Variants in LRRC39 observed in about 807,000 individuals in gnomAD.
The protein encoded by LRRC39 is leucine-rich repeat-containing protein 39.
LRRC39 carries 35 observed loss-of-function variants against 39.7 expected under a neutral mutation model. The observed-to-expected ratio is 0.88, with a 90% confidence interval of 0.67 to 1.17. The LOEUF (loss-of-function observed/expected upper bound fraction) is 1.17, where lower values mean the gene tolerates loss of function less well. LRRC39 is among the 50% of genes most tolerant of loss of function. The pLI, the probability that LRRC39 is intolerant of heterozygous loss-of-function variation, is 0.00. For missense variants in LRRC39, 357 were observed against 385.8 expected (o/e 0.93, Z 0.62); for synonymous variants, 113 against 134.1 (o/e 0.84, Z 1.09).
chr1:100,168,140 T>A (rs1367317932), intron 3 of LRRC39, among the ~76,000 whole-genome samples: 1 of 152,152 alleles, frequency 6.6e-6, no homozygotes, highest in Admixed American at 6.5e-5. Context: ...TTAGACTATA[T>A]GATACTAATC....
At chr1:100,160,677 T>G (rs1453253929) in intron 3 of LRRC39, 106 bp from the exon 4 acceptor site, 2 of 823,044 alleles carry the variant, frequency 2.4e-6, no homozygotes, top group Non-Finnish European at 3.7e-6. Context: ...CAGGCTGGAG[T>G]GCAGTGGCCC....
At chr1:100,161,079 AT>A (rs1324377580) in intron 3 of LRRC39, among the ~76,000 whole-genome samples, 3 of 152,176 alleles carry the variant, frequency 2.0e-5, no homozygotes, top group Admixed American at 1.3e-4. Context: ...AACTCTATAG[AT>A]TTTATTAATA....
In LRRC39 at chr1:100,170,417, A is replaced by T. The variant is rs531289823; in HGVS notation, c.-78-1823T>A. 2.0e-5 allele frequency among the ~76,000 whole-genome samples: 3 copies of T among 152,314 alleles called. No homozygotes were observed. In the South Asian group the frequency reaches 6.2e-4, roughly 32 times the overall value. On this transcript the variant is annotated intron_variant, in intron 2 of 9. Transcript: ENST00000370137. The stretch of plus-strand genomic sequence containing the variant: ...AAAGACCACATATATGATCTCATTT[A>T]TATGAAATGTCCAGAATAGGCAAAT...
chr1:100,163,504 T>G (rs2101783040), intron 3 of LRRC39, among the ~76,000 whole-genome samples: 1 of 152,106 alleles, frequency 6.6e-6, no homozygotes, highest in African/African-American at 2.4e-5. Context: ...CCCCCATCTG[T>G]GGGCCTTACC....
At chr1:100,153,529 A>C (rs1038761453) in intron 8 of LRRC39, among the ~76,000 whole-genome samples, 2 of 152,200 alleles carry the variant, frequency 1.3e-5, no homozygotes, top group Non-Finnish European at 2.9e-5. Context: ...AATGGGAGAA[A>C]ATATATGTAA....
In LRRC39 at chr1:100,155,081, G is replaced by T. The variant is rs147649568; in HGVS notation, c.782C>A (p.Pro261Gln). 53 of 1,598,666 alleles carry T rather than the reference G, an allele frequency of 3.3e-5. No homozygotes were observed. In the African/African-American group the frequency reaches 6.2e-4, roughly 19 times the overall value. Residue 261 changes from proline (P) to glutamine (Q), a missense_variant, in exon 8 of 10, where the codon CCA (proline) becomes CAA (glutamine). Transcript: ENST00000370137. ...ATTTGCCATTTCTTCCATGCATACT[G>T]GAATATCTTGCAGTTTATTGTTGCT... ...VLSNNKLQDI[P>Q]VCMEEMANLR...
Position 100,148,987 on chromosome 1 carries a change from A to C in LRRC39, c.*55T>G. Reference sequence around the variant, plus strand: ...GCTTTTCTTTTTACTTCAGAAATCCAAACATTAGAGAATTCACCAAAGTAA... The same window carrying C: ...GCTTTTCTTTTTACTTCAGAAATCCCAACATTAGAGAATTCACCAAAGTAA... On this transcript the variant is annotated 3_prime_UTR_variant, in exon 10 of 10. Transcript: ENST00000370137. The C allele has an allele frequency of 7.0e-7, 1 of 1,428,762 alleles. No individual in the cohort carries two copies. Among genetic ancestry groups the C allele is most frequent in the Non-Finnish European group, 9.3e-7 (1 of 1,074,838 alleles). The allele number at this position is 1,428,762 out of a possible 1,614,324, so 88.5% of individuals were successfully genotyped here.
At chr1:100,174,347 G>C (rs2101800104) in intron 1 of LRRC39, among the ~76,000 whole-genome samples, 1 of 151,884 alleles carries the variant, frequency 6.6e-6, no homozygotes, top group Middle Eastern at 3.4e-3. Flanking sequence ...GCCCAGGCTG[G>C]AGAGCAGTGG....
In LRRC39 at chr1:100,152,489, T is replaced by G. The variant is rs745355050; in HGVS notation, c.848A>C (p.Lys283Thr). The G allele has an allele frequency of 2.0e-5, 33 of 1,613,872 alleles. No homozygotes were observed. The South Asian group carries it at 3.4e-4, about 17-fold the overall frequency. Residue 283 changes from lysine to threonine, a missense_variant, in exon 9 of 10, where the codon AAA becomes ACA. Physicochemically the swap from Lys to Thr is moderately conservative, Grantham distance 78. Coordinates refer to ENST00000370137, the MANE Select transcript of LRRC39 (RefSeq NM_144620.4). ...VNFRDNPLKL[K>T]VSLPPSEGTD... ...GCCTTCACTGGGAGGAAGTGATACT[T>G]TCAATTTCAGTGGGTTGTCTCTGAA...
At chr1:100,151,423 A>G (rs138653502) in intron 9 of LRRC39, among the ~76,000 whole-genome samples, 365 of 152,206 alleles carry the variant, frequency 2.4e-3, no homozygotes, top group Non-Finnish European at 3.5e-3. Context: ...CATTGCTTCT[A>G]TGACCTTGCT....
chr1:100,155,207 A>G lies in LRRC39; in HGVS notation c.660-4T>C. On this transcript the variant is annotated splice_region_variant and splice_polypyrimidine_tract_variant and intron_variant, in intron 7 of 9. Coordinates refer to ENST00000370137, the MANE Select transcript of LRRC39 (RefSeq NM_144620.4). The stretch of plus-strand genomic sequence containing the variant: ...TAACGTATGTAGATTTTGCATTCTG[A>G]AAAATTAAGGTTTCTACAATTAATT... The G allele has an allele frequency of 6.4e-7, 1 of 1,574,756 alleles. No homozygotes were observed. The highest frequency in any genetic ancestry group is 8.6e-7 in the Non-Finnish European group (1 of 1,167,758).
At chr1:100,176,991 T>C (rs888161224) in intron 1 of LRRC39, among the ~76,000 whole-genome samples, 9 of 152,178 alleles carry the variant, frequency 5.9e-5, no homozygotes, top group Non-Finnish European at 1.2e-4. Flanking sequence ...CAACAGATAC[T>C]GTCTGTACCT....
chr1:100,169,564 A>G (rs1194681332), intron 2 of LRRC39, among the ~76,000 whole-genome samples: 1 of 152,122 alleles, frequency 6.6e-6, no homozygotes, highest in African/African-American at 2.4e-5. Flanking sequence ...CTAATATTTC[A>G]TCGGTAAACT....
At chr1:100,174,344 C>A (rs986497016) in intron 1 of LRRC39, among the ~76,000 whole-genome samples, 18 of 151,722 alleles carry the variant, frequency 1.2e-4, no homozygotes, top group African/African-American at 3.9e-4. Flanking sequence ...GTTGCCCAGG[C>A]TGGAGAGCAG....
Position 100,159,418 on chromosome 1 carries a change from A to G in LRRC39, c.220-3T>C. 6.3e-7 allele frequency: 1 copy of G among 1,584,948 alleles called. No individual in the cohort carries two copies. The highest frequency in any genetic ancestry group is 8.6e-7 in the Non-Finnish European group (1 of 1,168,464). On this transcript the variant is annotated splice_region_variant and splice_polypyrimidine_tract_variant and intron_variant, in intron 4 of 9. Transcript: ENST00000370137. ...TTCAGCAGAGAAGAAGGGAGGGTCT[A>G]CAGTAAAAGAAATGATGGTTGTTGT... is the stretch of plus-strand genomic sequence containing the variant.
At chr1:100,154,795 C>T (rs1357804370) in intron 8 of LRRC39, among the ~76,000 whole-genome samples, 2 of 152,132 alleles carry the variant, frequency 1.3e-5, no homozygotes, top group African/African-American at 2.4e-5. Context: ...CTTTGATAAA[C>T]ATCTAAAATG....
chr1:100,171,542 C>T (rs1659603514), intron 2 of LRRC39, among the ~76,000 whole-genome samples: 1 of 147,614 alleles, frequency 6.8e-6, no homozygotes, highest in African/African-American at 2.5e-5. Flanking sequence ...TCGTTCTGTC[C>T]CATAGGCTGG....
At chr1:100,151,697 G>A (rs78068173) in intron 9 of LRRC39, among the ~76,000 whole-genome samples, 1,641 of 152,090 alleles carry the variant, frequency 0.011, 30 homozygotes, top group African/African-American at 0.038. Flanking sequence ...CCTGATCTTG[G>A]TTTAGCTTAA....
intron 3 of LRRC39, among the ~76,000 whole-genome samples, chr1:100,166,344 C>T (rs1354564602): frequency 6.6e-6 from 1 of 152,098 alleles, no homozygotes; most frequent in East Asian, 1.9e-4. Flanking sequence ...AGCTGGATGG[C>T]TCAGAAGAAG....
Sources: allele counts gnomAD v4.1 joint callset (sites outside exome capture counted in the v4.1 genomes callset), GRCh38; gene constraint gnomAD v4.1.1; transcripts MANE v1.5; gene names NCBI Gene and HGNC (gene_info 2026-07-23, HGNC 2026-07-21).